METTL16: variants seen among roughly 807,000 people sequenced by gnomAD.
METTL16 encodes the protein methyltransferase 16, RNA N6-adenosine.
METTL16 carries 19 observed loss-of-function variants against 57.9 expected under a neutral mutation model. The observed-to-expected ratio is 0.33, with a 90% CI of 0.23 to 0.48. The LOEUF is 0.48. Among genes scored for constraint, METTL16 ranks in the 20% least tolerant of loss-of-function variants. METTL16 has a pLI of 0.99. For missense variants in METTL16, 434 were observed against 691.5 expected (o/e 0.63, Z 4.18); for synonymous variants, 246 against 255.6 (o/e 0.96, Z 0.36).
chr17:2,440,192 G>T (rs1261603814), intron 7 of METTL16, among the ~76,000 whole-genome samples: 1 of 152,112 alleles, frequency 6.6e-6, no homozygotes. Context: ...AGATGTTTGA[G>T]GTTGCAGCAA....
chr17:2,427,972 C>T lies in METTL16; in HGVS notation c.889-7068G>A, dbSNP rs1215902867. 4.0e-5 allele frequency among the ~76,000 whole-genome samples: 5 copies of T among 123,856 alleles called. No homozygotes were observed. In the South Asian group the frequency reaches 1.1e-3, roughly 28 times the overall value. 81.3% of individuals were successfully genotyped at this position (123,856 alleles called of 152,430 possible). On this transcript the variant is annotated intron_variant, in intron 8 of 9. Coordinates refer to ENST00000263092, the MANE Select transcript of METTL16 (RefSeq NM_024086.4). ...TTACCCAAAAAAAAAAAAAAATTAG[C>T]TGGATGTGGTGGCAAGGAAGGAAGG...
At chr17:2,441,903 A>C (rs992793298) in intron 6 of METTL16, among the ~76,000 whole-genome samples, 4 of 152,210 alleles carry the variant, frequency 2.6e-5, no homozygotes, top group Admixed American at 1.3e-4. Context: ...TAGAAAATAA[A>C]AAACAACAAA....
intron 1 of METTL16, among the ~76,000 whole-genome samples, chr17:2,504,609 G>A (rs2067516030): frequency 6.6e-6 from 1 of 152,164 alleles, no homozygotes; most frequent in African/African-American, 2.4e-5. Flanking sequence ...AGGATGGAGT[G>A]CAGTAGCACA....
intron 5 of METTL16, among the ~76,000 whole-genome samples, chr17:2,467,250 C>T (rs563001111): frequency 9.2e-5 from 14 of 152,300 alleles, no homozygotes; most frequent in Non-Finnish European, 1.5e-4. Flanking sequence ...CTGCAGCACA[C>T]GCCTATGGCC....
intron 6 of METTL16, among the ~76,000 whole-genome samples, chr17:2,452,712 C>T (rs1267795910): frequency 1.3e-5 from 2 of 152,202 alleles, no homozygotes; most frequent in Non-Finnish European, 2.9e-5. Flanking sequence ...CACCCAGATT[C>T]ACCAATTACA....
intron 2 of METTL16, among the ~76,000 whole-genome samples, chr17:2,500,227 A>C (rs1343215915): frequency 1.3e-5 from 2 of 152,174 alleles, no homozygotes; most frequent in African/African-American, 4.8e-5. Context: ...TAGAGTAAAG[A>C]AGAGGTGAAG....
intron 6 of METTL16, among the ~76,000 whole-genome samples, chr17:2,459,724 G>A (rs566593516): frequency 9.9e-5 from 15 of 152,234 alleles, no homozygotes; most frequent in South Asian, 4.2e-4. Context: ...CATGGGGGCC[G>A]GGCGCAGTGG....
At chr17:2,425,470 C>T (rs1168523306) in intron 8 of METTL16, among the ~76,000 whole-genome samples, 1 of 152,130 alleles carries the variant, frequency 6.6e-6, no homozygotes, top group Non-Finnish European at 1.5e-5. Flanking sequence ...GTGAGAGAAG[C>T]CTGGTGAGCA....
chr17:2,461,717 C>T (rs575243954), intron 6 of METTL16, among the ~76,000 whole-genome samples: 2 of 152,000 alleles, frequency 1.3e-5, no homozygotes, highest in Admixed American at 6.6e-5. Context: ...GCTGGGATTA[C>T]AGGCGCCTGC....
intron 2 of METTL16, among the ~76,000 whole-genome samples, chr17:2,485,858 A>G (rs189507188): frequency 6.6e-6 from 1 of 152,316 alleles, no homozygotes; most frequent in East Asian, 1.9e-4. Context: ...ATGCTATAAA[A>G]GACAGGTAAA....
chr17:2,434,908 C>T (rs1056873954), intron 8 of METTL16, among the ~76,000 whole-genome samples: 2 of 152,224 alleles, frequency 1.3e-5, no homozygotes, highest in African/African-American at 4.8e-5. Flanking sequence ...GAACAACTCA[C>T]TAGGGCTACA....
At chr17:2,502,669 C>T (rs1376608129) in intron 1 of METTL16, among the ~76,000 whole-genome samples, 3 of 150,756 alleles carry the variant, frequency 2.0e-5, no homozygotes, top group Non-Finnish European at 4.4e-5. Context: ...GCCTGGGCAA[C>T]AAGAGCGAAA....
intron 2 of METTL16, among the ~76,000 whole-genome samples, chr17:2,492,362 ATATGAT>A (rs147831486): frequency 0.012 from 1,874 of 152,298 alleles, 37 homozygotes; most frequent in African/African-American, 0.043. Context: ...CAATGGTCAG[ATATGAT>A]TATAACAAAG....
chr17:2,507,345 C>T (rs2067550384), intron 1 of METTL16, among the ~76,000 whole-genome samples: 1 of 146,522 alleles, frequency 6.8e-6, no homozygotes, highest in African/African-American at 2.5e-5. Flanking sequence ...CAGCCCCCCA[C>T]CCAGCCAGCC....
chr17:2,465,035 C>T (rs2067181412), intron 5 of METTL16, among the ~76,000 whole-genome samples: 1 of 152,172 alleles, frequency 6.6e-6, no homozygotes, highest in Non-Finnish European at 1.5e-5. Flanking sequence ...TAATAAGGAA[C>T]TTGCTTATAA....
In METTL16 at chr17:2,419,216, G is replaced by A. The variant is rs747309176; in HGVS notation, c.*754C>T. 6.4e-6 allele frequency: 1 copy of A among 157,322 alleles called. No individual in the cohort carries two copies. Among genetic ancestry groups the A allele is most frequent in the Non-Finnish European group, 1.4e-5 (1 of 71,136 alleles). 9.7% of individuals were successfully genotyped at this position (157,322 alleles called of 1,614,324 possible). On this transcript the variant is annotated 3_prime_UTR_variant, in exon 10 of 10. Coordinates refer to ENST00000263092, the MANE Select transcript of METTL16 (RefSeq NM_024086.4). ...AAACAAAACAAGCTCTACTTCAGAT[G>A]TCCAAACAAAAATCACACAGTAGTA...
At chr17:2,415,748 C>A (rs1395811155), downstream of METTL16, 1 of 153,696 alleles carries the variant, frequency 6.5e-6, no homozygotes, top group Admixed American at 6.5e-5. Flanking sequence ...TCCCAAAGTG[C>A]TGGGATGACA....
At chr17:2,464,110 A>T in intron 6 of METTL16, 98 bp downstream of exon 6, 1 of 1,296,836 alleles carries the variant, frequency 7.7e-7, no homozygotes, top group South Asian at 1.5e-5. Flanking sequence ...CAACAAGAGC[A>T]AGACTCTGTC....
At position 2,429,971 on chromosome 17, in the gene METTL16, C is replaced by T. The variant is rs1035749081; in HGVS notation, c.888+8138G>A. Among the ~76,000 whole-genome samples, 11 of 147,602 alleles carry T rather than the reference C, an allele frequency of 7.5e-5. 1 individual carries two copies. The highest frequency in any genetic ancestry group is 1.2e-4 in the Non-Finnish European group (8 of 66,096). On this transcript the variant is annotated intron_variant, in intron 8 of 9. Coordinates refer to ENST00000263092, the MANE Select transcript of METTL16 (RefSeq NM_024086.4). The stretch of plus-strand genomic sequence containing the variant: ...GATTACAGGCGCCCGCCACCATGCC[C>T]GGCTAATTTTTTTCTATTTTTAGTG...
Sources: allele counts gnomAD v4.1 joint callset (sites outside exome capture counted in the v4.1 genomes callset), GRCh38; gene constraint gnomAD v4.1.1; transcripts MANE v1.5; gene names NCBI Gene and HGNC (gene_info 2026-07-23, HGNC 2026-07-21).